OR51B5: variants seen among roughly 807,000 people sequenced by gnomAD.
OR51B5 encodes the protein olfactory receptor family 51 subfamily B member 5, also known as olfactory receptor 51B5.
For missense variants in OR51B5, 456 were observed against 374.6 expected (o/e 1.22, Z -1.79); for synonymous variants, 186 against 144.8 (o/e 1.28, Z -2.04).
intron 1 of OR51B5, among the ~76,000 whole-genome samples, chr11:5,477,312 G>A (rs897511458): frequency 6.6e-5 from 10 of 152,152 alleles, no homozygotes; most frequent in Non-Finnish European, 1.2e-4. Context: ...CCCTTGAGAT[G>A]AGCACAGAGG....
chr11:5,477,800 G>A (rs12283823), intron 1 of OR51B5, among the ~76,000 whole-genome samples: 22 of 152,248 alleles, frequency 1.4e-4, no homozygotes, highest in Admixed American at 2.6e-4. Context: ...TGCGCTTTTC[G>A]GACTGGCTTA....
At chr11:5,385,811 A>G (rs183322782) in intron 1 of OR51B5, among the ~76,000 whole-genome samples, 146 of 149,052 alleles carry the variant, frequency 9.8e-4, no homozygotes, top group African/African-American at 3.5e-3. Flanking sequence ...TAAAAAATCT[A>G]TAAAGTATAT....
In OR51B5 at chr11:5,374,173, C is replaced by T. The variant is rs563958703; in HGVS notation, n.85-27263G>A. Among the ~76,000 whole-genome samples, 139 of 152,218 alleles carry T rather than the reference C, an allele frequency of 9.1e-4. 1 individual carries two copies. The highest frequency in any genetic ancestry group is 3.2e-3 in the African/African-American group (131 of 41,526). ...ATCAGACAGCAGCATTCGCGGATCA[C>T]GAAAATCTGCGGTTCTGCAGACACC... On this transcript the variant is annotated intron_variant and non_coding_transcript_variant, in intron 1 of 4. Transcript: ENST00000415970.
chr11:5,345,429 T>C (rs900097564), upstream of OR51B5, among the ~76,000 whole-genome samples: 1 of 151,956 alleles, frequency 6.6e-6, no homozygotes, highest in Non-Finnish European at 1.5e-5. Context: ...AGTGCCAAGA[T>C]TTGCTGATAT....
At chr11:5,363,003 G>A (rs966997563) in intron 1 of OR51B5, among the ~76,000 whole-genome samples, 7 of 94,208 alleles carry the variant, frequency 7.4e-5, no homozygotes, top group South Asian at 4.0e-4. Context: ...GTTAGGCAGG[G>A]ATTGGGGCAT....
intron 1 of OR51B5, among the ~76,000 whole-genome samples, chr11:5,359,853 A>G (rs1589952978): frequency 6.6e-6 from 1 of 152,288 alleles, no homozygotes; most frequent in South Asian, 2.1e-4. Context: ...GTCTACAACC[A>G]TCTGATCTTT....
intron 1 of OR51B5, chr11:5,385,503 A>AAT (rs35403463): frequency 0.4 from 60,724 of 151,414 alleles, 12,333 homozygotes; most frequent in South Asian, 0.53. Context: ...CATGCAAAAA[A>AAT]ATATATATAT....
intron 1 of OR51B5, among the ~76,000 whole-genome samples, chr11:5,368,894 T>C (rs937994992): frequency 6.6e-6 from 1 of 152,188 alleles, no homozygotes; most frequent in African/African-American, 2.4e-5. Context: ...GGTTTCCTTC[T>C]GAGGATGTTG....
upstream of OR51B5, among the ~76,000 whole-genome samples, chr11:5,348,323 A>C (rs985552966): frequency 5.9e-5 from 9 of 151,910 alleles, no homozygotes; most frequent in Non-Finnish European, 1.0e-4. Flanking sequence ...CACCTGACTG[A>C]TTCTTTAATC....
chr11:5,376,602 C>T lies in OR51B5; in HGVS notation n.85-29692G>A, dbSNP rs888557061. 4.6e-5 allele frequency among the ~76,000 whole-genome samples: 7 copies of T among 152,044 alleles called. No homozygotes were observed. In the East Asian group the frequency reaches 5.8e-4, roughly 13 times the overall value. Reference sequence around the variant, plus strand: ...AGAAAAGAGAGAAGAATCAAATAGACACAATAAAAAAATGATAAAGGGGAT... The same window carrying T: ...AGAAAAGAGAGAAGAATCAAATAGATACAATAAAAAAATGATAAAGGGGAT... On this transcript the variant is annotated intron_variant and non_coding_transcript_variant, in intron 1 of 4. Coordinates refer to the OR51B5 transcript ENST00000415970.
At chr11:5,365,389 C>A (rs552965646) in intron 1 of OR51B5, among the ~76,000 whole-genome samples, 1 of 152,250 alleles carries the variant, frequency 6.6e-6, no homozygotes, top group East Asian at 1.9e-4. Context: ...AACAAGTAAC[C>A]AAATATGGGA....
intron 1 of OR51B5, chr11:5,488,733 C>A (rs1359533216): frequency 6.2e-7 from 1 of 1,613,606 alleles, no homozygotes. Flanking sequence ...TCAGTGATAA[C>A]CATCTTCCAG....
At position 5,389,372 on chromosome 11, in the gene OR51B5, A is replaced by T. The variant is rs372112594; in HGVS notation, n.85-42462T>A. ...GAAGAATTAATAACCAGAAATATCCATTTATTTTCAGCTCAATCCCCGAGG... is the reference window on the plus strand; with the variant it reads ...GAAGAATTAATAACCAGAAATATCCTTTTATTTTCAGCTCAATCCCCGAGG... On this transcript the variant is annotated intron_variant and non_coding_transcript_variant, in intron 1 of 4. Coordinates refer to the OR51B5 transcript ENST00000415970. 1.2e-6 allele frequency: 2 copies of T among 1,600,442 alleles called. 1 individual carries two copies. The highest frequency in any genetic ancestry group is 1.7e-6 in the Non-Finnish European group (2 of 1,171,714).
chr11:5,443,537 G>T (rs1424991254), intron 1 of OR51B5, among the ~76,000 whole-genome samples: 1 of 148,950 alleles, frequency 6.7e-6, no homozygotes, highest in Non-Finnish European at 1.5e-5. Flanking sequence ...TACCTTTGCT[G>T]CAAGATTTTC....
At chr11:5,468,968 A>T (rs1339234286) in intron 1 of OR51B5, 1 of 348,826 alleles carries the variant, frequency 2.9e-6, no homozygotes, top group Admixed American at 3.9e-5. Context: ...GAAGCTGCGG[A>T]TGACAATGGA....
At chr11:5,365,162 G>A (rs1410319975) in intron 1 of OR51B5, among the ~76,000 whole-genome samples, 2 of 152,194 alleles carry the variant, frequency 1.3e-5, no homozygotes, top group African/African-American at 4.8e-5. Context: ...TGTCTGGTGA[G>A]TTCTGTAGAC....
At chr11:5,384,379 A>AT (rs1264356304) in intron 1 of OR51B5, among the ~76,000 whole-genome samples, 184 of 152,342 alleles carry the variant, frequency 1.2e-3, no homozygotes, top group African/African-American at 4.2e-3. Context: ...AAGTCTTAGA[A>AT]ACCAGGGTTC....
chr11:5,391,008 C>T (rs1302439677), intron 1 of OR51B5: 1 of 152,268 alleles, frequency 6.6e-6, no homozygotes, highest in Non-Finnish European at 1.5e-5. Flanking sequence ...CTATCCTTGA[C>T]TCCTCTCATC....
rs566568218 is a variant in OR51B5 at position 5,493,761 on chromosome 11, T to C, written n.84+11808A>G. 1.1e-4 allele frequency among the ~76,000 whole-genome samples: 16 copies of C among 152,188 alleles called. No homozygotes were observed. In the South Asian group the frequency reaches 1.2e-3, roughly 12 times the overall value. ...GACTATCTTAGGTTTAAACCATTAA[T>C]TGCTACCATATACTTAACTTTTCTG... On this transcript the variant is annotated intron_variant and non_coding_transcript_variant, in intron 1 of 4. Coordinates refer to the OR51B5 transcript ENST00000415970.
Sources: gnomAD v4.1 joint callset for allele counts (sites outside exome capture counted in the v4.1 genomes callset) on GRCh38, gnomAD v4.1.1 for gene constraint, MANE v1.5 for transcripts, NCBI Gene and HGNC (gene_info 2026-07-23, HGNC 2026-07-21) for gene names.